The following SYT16 variants were observed in gnomAD, a reference collection of about 807,000 sequenced individuals.
The protein encoded by SYT16 is synaptotagmin-16.
A neutral mutation model predicts 61.4 loss-of-function variants in SYT16; 42 were observed. The ratio of observed to expected loss-of-function variants is 0.68; its 90% CI spans 0.53 to 0.89. The LOEUF (loss-of-function observed/expected upper bound fraction) is 0.89. Among genes scored for constraint, SYT16 ranks in the 40% least tolerant of loss-of-function variants. The probability of loss-of-function intolerance (pLI) is 0.00; values close to 1 mark genes in which losing one functional copy is unlikely to be tolerated. For missense variants in SYT16, 804 were observed against 807.3 expected (o/e 1.00, Z 0.05); for synonymous variants, 314 against 302.3 (o/e 1.04, Z -0.40).
intron 1 of SYT16, among the ~76,000 whole-genome samples, chr14:61,834,919 T>C (rs551844615): frequency 7.1e-4 from 108 of 152,368 alleles, no homozygotes; most frequent in Non-Finnish European, 1.2e-3. Flanking sequence ...AGCATAGCAT[T>C]CCCATAAAAC....
chr14:62,086,159 C>T (rs1332721171), intron 7 of SYT16, among the ~76,000 whole-genome samples: 2 of 152,108 alleles, frequency 1.3e-5, no homozygotes, highest in Non-Finnish European at 2.9e-5. Context: ...GGTGTGAATT[C>T]AGGCTCTGCC....
At chr14:61,915,995 C>T (rs1330706073) in intron 1 of SYT16, among the ~76,000 whole-genome samples, 1 of 152,166 alleles carries the variant, frequency 6.6e-6, no homozygotes, top group Non-Finnish European at 1.5e-5. Context: ...TTCCTTGATA[C>T]AGTGTTTTCT....
At chr14:62,051,381 C>T (rs757417373) in intron 3 of SYT16, among the ~76,000 whole-genome samples, 4 of 152,200 alleles carry the variant, frequency 2.6e-5, no homozygotes, top group East Asian at 1.9e-4. Context: ...CCCTTTTCTT[C>T]GACTAGGAAA....
intron 1 of SYT16, among the ~76,000 whole-genome samples, chr14:61,813,161 T>A (rs1032506301): frequency 2.0e-5 from 3 of 152,364 alleles, no homozygotes; most frequent in African/African-American, 7.2e-5. Flanking sequence ...TTTTTGGCGC[T>A]GTGAGTTCAA....
intron 3 of SYT16, among the ~76,000 whole-genome samples, chr14:62,000,415 T>C (rs12880914): frequency 0.21 from 31,548 of 151,866 alleles, 3,681 homozygotes; most frequent in Non-Finnish European, 0.26. Flanking sequence ...TGACATGATA[T>C]ATTCTTTTCC....
chr14:61,832,337 G>A (rs113304366), intron 1 of SYT16: 89 of 577,212 alleles, frequency 1.5e-4, no homozygotes, highest in African/African-American at 1.3e-3. Flanking sequence ...TTGCTCGCTT[G>A]CCAACTAGGC....
At position 61,865,128 on chromosome 14, in the gene SYT16, C is replaced by G. The variant is rs1344074652; in HGVS notation, c.-325+52318C>G. On this transcript the variant is annotated intron_variant, in intron 1 of 7. Coordinates refer to ENST00000683842, the MANE Select transcript of SYT16 (RefSeq NM_001367656.1). ...CTGGACTATGAAGCCTTCTGTGGCT[C>G]CTCAGCCACCGATAAATGCCGCTCC... 95 of 1,292,842 alleles carry G rather than the reference C, an allele frequency of 7.3e-5. No homozygotes were observed. In the Admixed American group the frequency reaches 1.2e-3, roughly 17 times the overall value. 80.1% of individuals were successfully genotyped at this position (1,292,842 alleles called of 1,614,324 possible). A position where few individuals can be genotyped will look rare whatever the true frequency, so the allele number is the denominator to read the frequency against.
intron 3 of SYT16, among the ~76,000 whole-genome samples, chr14:62,014,467 A>G (rs2053586620): frequency 6.6e-6 from 1 of 151,338 alleles, no homozygotes; most frequent in African/African-American, 2.4e-5. Flanking sequence ...TGCTTGGTCT[A>G]TTCCAATAAT....
intron 3 of SYT16, among the ~76,000 whole-genome samples, chr14:62,014,202 C>A (rs2053577760): frequency 6.6e-6 from 1 of 152,130 alleles, no homozygotes. Flanking sequence ...GATCCAACTG[C>A]CTTCACGTGG....
rs1234983089 is a variant in SYT16, at chr14:62,106,727, C to T, written c.*6020C>T. On this transcript the variant is annotated 3_prime_UTR_variant, in exon 8 of 8. Coordinates refer to ENST00000683842, the MANE Select transcript of SYT16 (RefSeq NM_001367656.1). The stretch of plus-strand genomic sequence containing the variant: ...CCTGCAGGCTCAGGGGGAGTTTCCT[C>T]TCCTATGGTGCTTTGACTGTTTTTG... 1.3e-5 allele frequency: 2 copies of T among 152,128 alleles called. No homozygotes were observed. Among genetic ancestry groups the T allele is most frequent in the African/African-American group, 2.4e-5 (1 of 41,408 alleles). 9.4% of individuals were successfully genotyped at this position (152,128 alleles called of 1,614,324 possible).
chr14:61,930,533 C>G (rs552950075), intron 1 of SYT16, among the ~76,000 whole-genome samples: 2 of 152,190 alleles, frequency 1.3e-5, no homozygotes, highest in South Asian at 4.2e-4. Flanking sequence ...CCTTCTGGCT[C>G]TCATCTGGAT....
chr14:62,063,598 C>T (rs890543031), intron 3 of SYT16, among the ~76,000 whole-genome samples: 4 of 152,072 alleles, frequency 2.6e-5, no homozygotes, highest in African/African-American at 9.7e-5. Context: ...CCACTCTAGC[C>T]GTGGGTGATA....
rs560699194 is a variant in SYT16 at position 62,107,944 on chromosome 14, A to C, written c.*7237A>C. The C allele has an allele frequency of 6.6e-6, 1 of 152,392 alleles. No homozygotes were observed. The highest frequency in any genetic ancestry group is 2.1e-4 in the South Asian group (1 of 4,832). 9.4% of individuals were successfully genotyped at this position (152,392 alleles called of 1,614,324 possible). ...TCTGTACAAACTTGACACATTTCTTACAAGCTCTGTGTTTTAATAGTCAAA... is the reference window on the plus strand; with the variant it reads ...TCTGTACAAACTTGACACATTTCTTCCAAGCTCTGTGTTTTAATAGTCAAA... On this transcript the variant is annotated 3_prime_UTR_variant, in exon 8 of 8. Coordinates refer to ENST00000683842, the MANE Select transcript of SYT16 (RefSeq NM_001367656.1).
At chr14:61,948,992 G>A (rs2140470780) in intron 1 of SYT16, among the ~76,000 whole-genome samples, 1 of 152,268 alleles carries the variant, frequency 6.6e-6, no homozygotes, top group Middle Eastern at 3.4e-3. Flanking sequence ...GACCTTAGGA[G>A]GAGACAGCTG....
intron 1 of SYT16, among the ~76,000 whole-genome samples, chr14:61,929,856 G>A (rs1441242431): frequency 1.3e-5 from 2 of 152,190 alleles, no homozygotes; most frequent in Admixed American, 6.5e-5. Flanking sequence ...AACTGAAAGA[G>A]TGGGCAAGAC....
intron 3 of SYT16, among the ~76,000 whole-genome samples, chr14:61,999,854 A>G (rs1463458668): frequency 6.6e-6 from 1 of 151,658 alleles, no homozygotes; most frequent in Non-Finnish European, 1.5e-5. Flanking sequence ...AATATTGGGA[A>G]TATTCTATAT....
chr14:61,970,829 C>G (rs1190133229), intron 2 of SYT16, among the ~76,000 whole-genome samples: 1 of 152,096 alleles, frequency 6.6e-6, no homozygotes, highest in Non-Finnish European at 1.5e-5. Flanking sequence ...ATTACTGAAG[C>G]CTAGAACTTT....
chr14:61,991,919 G>A (rs771528208), intron 2 of SYT16, among the ~76,000 whole-genome samples: 19 of 151,800 alleles, frequency 1.3e-4, no homozygotes, highest in Non-Finnish European at 2.5e-4. Context: ...GGTTTACTTA[G>A]CTTTAAATGT....
At chr14:61,886,658 G>C (rs892473389) in intron 1 of SYT16, among the ~76,000 whole-genome samples, 1 of 152,184 alleles carries the variant, frequency 6.6e-6, no homozygotes, top group African/African-American at 2.4e-5. Flanking sequence ...TTCCACTGCA[G>C]TTACATCCCT....
Sources: allele counts gnomAD v4.1 joint callset (sites outside exome capture counted in the v4.1 genomes callset), GRCh38; gene constraint gnomAD v4.1.1; transcripts MANE v1.5; gene names NCBI Gene and HGNC (gene_info 2026-07-23, HGNC 2026-07-21).